The following ATP1B3 variants were observed in gnomAD, a reference collection of about 807,000 sequenced individuals.
The protein encoded by ATP1B3 is sodium/potassium-transporting ATPase subunit beta-3.
ATP1B3 carries 10 observed loss-of-function variants against 30.2 expected under a neutral mutation model. That is an observed-to-expected ratio of 0.33 (90% CI 0.20 to 0.56). The LOEUF (loss-of-function observed/expected upper bound fraction) is 0.56. Among genes scored for constraint, ATP1B3 ranks in the 20% least tolerant of loss-of-function variants. The pLI is 0.90. For synonymous variants in ATP1B3, 113 were observed against 117.0 expected (o/e 0.97, Z 0.22); for missense variants, 238 against 336.7 (o/e 0.71, Z 2.29).
chr3:141,889,754 T>TACACACACAC (rs1341803770), intron 1 of ATP1B3, among the ~76,000 whole-genome samples: 1 of 75,030 alleles, frequency 1.3e-5, no homozygotes. Context: ...AAAAAAAATA[T>TACACACACAC]ATACACACAC....
At chr3:141,901,850 T>C (rs1221422704) in intron 1 of ATP1B3, among the ~76,000 whole-genome samples, 1 of 152,202 alleles carries the variant, frequency 6.6e-6, no homozygotes, top group Non-Finnish European at 1.5e-5. Flanking sequence ...GTTTCAGACA[T>C]CTCCACTTTA....
intron 3 of ATP1B3, among the ~76,000 whole-genome samples, chr3:141,907,888 ATATTT>A (rs1934290310): frequency 1.3e-5 from 2 of 152,252 alleles, no homozygotes; most frequent in African/African-American, 4.8e-5. Flanking sequence ...TTAAAACTAA[ATATTT>A]TAATTAATAG....
In ATP1B3 at chr3:141,895,621, G is replaced by A. The variant is rs781760768; in HGVS notation, c.110-7999G>A. 7.7e-4 allele frequency among the ~76,000 whole-genome samples: 117 copies of A among 152,108 alleles called. 1 individual carries two copies. The highest frequency in any genetic ancestry group is 1.3e-3 in the Non-Finnish European group (90 of 68,028). On this transcript the variant is annotated intron_variant, in intron 1 of 6. Transcript: ENST00000286371. ...TTAATTCAACTGTTGGTGGATATTTGGGTTGTTTGCAGTTTTCAGTGATTA... is the reference window on the plus strand; with the variant it reads ...TTAATTCAACTGTTGGTGGATATTTAGGTTGTTTGCAGTTTTCAGTGATTA...
intron 1 of ATP1B3, among the ~76,000 whole-genome samples, chr3:141,879,835 T>TTTTTAA (rs1933688308): frequency 7.3e-6 from 1 of 136,468 alleles, no homozygotes; most frequent in Non-Finnish European, 1.6e-5. Context: ...TTTTTTTTTT[T>TTTTTAA]AAGAAAAACA....
chr3:141,901,199 C>T (rs769254415), intron 1 of ATP1B3, among the ~76,000 whole-genome samples: 2 of 152,204 alleles, frequency 1.3e-5, no homozygotes, highest in African/African-American at 4.8e-5. Context: ...TTTCTGCTTA[C>T]ATCAAGTAGC....
At chr3:141,891,839 T>C (rs1577959915) in intron 1 of ATP1B3, among the ~76,000 whole-genome samples, 1 of 152,242 alleles carries the variant, frequency 6.6e-6, no homozygotes, top group East Asian at 1.9e-4. Context: ...TTTCTAAATT[T>C]GTATTGTTAA....
intron 3 of ATP1B3, among the ~76,000 whole-genome samples, chr3:141,911,089 C>G (rs986613521): frequency 2.2e-4 from 34 of 151,936 alleles, no homozygotes; most frequent in Admixed American, 6.6e-4. Context: ...GACTTGACTG[C>G]AGGTTTTTCA....
intron 4 of ATP1B3, among the ~76,000 whole-genome samples, chr3:141,915,409 A>G (rs140646531): frequency 6.6e-6 from 1 of 152,358 alleles, no homozygotes; most frequent in East Asian, 1.9e-4. Flanking sequence ...AAATTATCTC[A>G]CAAAATGTAT....
intron 6 of ATP1B3, among the ~76,000 whole-genome samples, chr3:141,922,992 T>C (rs944293610): frequency 2.0e-5 from 3 of 147,124 alleles, no homozygotes; most frequent in Non-Finnish European, 3.0e-5. Context: ...CAAAAGCTCA[T>C]TGCGGCCGGG....
At chr3:141,881,204 C>CA (rs112675926) in intron 1 of ATP1B3, among the ~76,000 whole-genome samples, 9,771 of 117,148 alleles carry the variant, frequency 0.083, 1,150 homozygotes, top group African/African-American at 0.27. Context: ...ACTCCACCTC[C>CA]AAAAAAAAAA....
At chr3:141,892,568 A>G (rs148201066) in intron 1 of ATP1B3, among the ~76,000 whole-genome samples, 1,542 of 149,724 alleles carry the variant, frequency 0.01, 17 homozygotes, top group Non-Finnish European at 0.011. Context: ...TGAGGCACAA[A>G]TATTGCTTGA....
chr3:141,883,264 G>C (rs957944032), intron 1 of ATP1B3, among the ~76,000 whole-genome samples: 2 of 152,276 alleles, frequency 1.3e-5, no homozygotes, highest in African/African-American at 4.8e-5. Context: ...GAAGTGGGCG[G>C]ATCACTTGTG....
intron 6 of ATP1B3, among the ~76,000 whole-genome samples, chr3:141,924,970 AATAATG>A (rs1934630582): frequency 6.6e-6 from 1 of 151,772 alleles, no homozygotes; most frequent in African/African-American, 2.4e-5. Flanking sequence ...AATTAATAAT[AATAATG>A]ATAATAGGCC....
intron 1 of ATP1B3, among the ~76,000 whole-genome samples, chr3:141,878,631 C>T (rs960310803): frequency 2.0e-5 from 3 of 152,110 alleles, no homozygotes; most frequent in Non-Finnish European, 4.4e-5. Context: ...TGAGTCAATG[C>T]ATTTAAATAG....
intron 3 of ATP1B3, among the ~76,000 whole-genome samples, chr3:141,910,273 C>T (rs1388737680): frequency 6.6e-6 from 1 of 152,070 alleles, no homozygotes; most frequent in Non-Finnish European, 1.5e-5. Flanking sequence ...TAGCACCTGG[C>T]CTTTGGATGT....
intron 5 of ATP1B3, among the ~76,000 whole-genome samples, chr3:141,920,469 G>A (rs1237870438): frequency 6.6e-6 from 1 of 152,010 alleles, no homozygotes; most frequent in Non-Finnish European, 1.5e-5. Context: ...GGAGGCTGCA[G>A]TGAGCCAAGA....
chr3:141,896,721 A>AGGGG (rs1399387810), intron 1 of ATP1B3, among the ~76,000 whole-genome samples: 1 of 152,120 alleles, frequency 6.6e-6, no homozygotes, highest in Non-Finnish European at 1.5e-5. Flanking sequence ...TTATTTCAAT[A>AGGGG]ATCAGAATAT....
At position 141,908,021 on chromosome 3, in the gene ATP1B3, A is replaced by G. The variant is rs184209930; in HGVS notation, c.346+747A>G. ...ATTTATGTTGAATTTGAAATAGGTC[A>G]GTATAGTTATTGAGAAGGAAGAATC... On this transcript the variant is annotated intron_variant, in intron 3 of 6. Transcript: ENST00000286371. Among the ~76,000 whole-genome samples, 846 of 148,646 alleles carry G rather than the reference A, an allele frequency of 5.7e-3. 3 individuals are homozygous for G. The highest frequency in any genetic ancestry group is 9.3e-3 in the Non-Finnish European group (625 of 67,440).
chr3:141,898,980 C>G (rs974995050), intron 1 of ATP1B3, among the ~76,000 whole-genome samples: 1 of 152,042 alleles, frequency 6.6e-6, no homozygotes, highest in African/African-American at 2.4e-5. Flanking sequence ...AAGCCAGTGA[C>G]AAAAGCCATG....
Sources: allele counts gnomAD v4.1 joint callset (sites outside exome capture counted in the v4.1 genomes callset), GRCh38; gene constraint gnomAD v4.1.1; transcripts MANE v1.5; gene names NCBI Gene and HGNC (gene_info 2026-07-23, HGNC 2026-07-21).